C3orf62: variants seen among roughly 807,000 people sequenced by gnomAD.
C3orf62 encodes the protein uncharacterized protein C3orf62.
Under a neutral mutation model 21.7 loss-of-function variants are expected in C3orf62, and 16 were observed. That is an observed-to-expected ratio of 0.74 (90% CI 0.50 to 1.12). C3orf62 has a LOEUF of 1.12. Ranked by LOEUF, C3orf62 falls within the 50% of genes most tolerant of loss-of-function variation. The pLI is 0.00. For missense variants in C3orf62, 310 were observed against 318.8 expected (o/e 0.97, Z 0.21); for synonymous variants, 114 against 117.0 (o/e 0.97, Z 0.17).
chr3:49,269,388 T>TAG lies in C3orf62; in HGVS notation c.*1790_*1791dup, dbSNP rs1474091415. 6.6e-6 allele frequency: 1 copy of TAG among 152,192 alleles called. No individual in the cohort carries two copies. The highest frequency in any genetic ancestry group is 1.5e-5 in the Non-Finnish European group (1 of 68,020). The allele number at this position is 152,192 out of a possible 1,614,324, so 9.4% of individuals were successfully genotyped here. On this transcript the variant is annotated 3_prime_UTR_variant, in exon 3 of 3. Transcript: ENST00000343010. Reference sequence around the variant, plus strand: ...CAGGAATTAAGCTCCACCTCGTCTATAGAAGAGTGTCCACATCCACATGTA... The same window carrying TAG: ...CAGGAATTAAGCTCCACCTCGTCTATAGAGAAGAGTGTCCACATCCACATGTA...
At position 49,276,503 on chromosome 3, in the gene C3orf62, A is replaced by C. The variant is rs771001807; in HGVS notation, c.370T>G (p.Ser124Ala). The C allele has an allele frequency of 2.5e-6, 4 of 1,614,054 alleles. No individual in the cohort carries two copies. The highest frequency in any genetic ancestry group is 3.4e-6 in the Non-Finnish European group (4 of 1,180,048). ...TCTCTTTCAGGTGCCAAAATGGAGG[A>C]ATGCATCAATACATTTTCCTTGCTG... ...LTSKENVLMH[S>A]SILAPERESW... Residue 124 changes from serine to alanine, a missense_variant, in exon 1 of 3, where the codon TCC (serine) becomes GCC (alanine). Physicochemically the swap from Ser to Ala is moderately conservative, Grantham distance 99. Transcript: ENST00000343010.
chr3:49,276,231 T>G (rs546840478), intron 1 of C3orf62, among the ~76,000 whole-genome samples, 196 bp downstream of exon 1: 1 of 152,182 alleles, frequency 6.6e-6, no homozygotes, highest in South Asian at 2.1e-4. Flanking sequence ...GCCCCTCAAC[T>G]GGAACATATA....
At chr3:49,272,610 T>C (rs1184391597) in intron 2 of C3orf62, among the ~76,000 whole-genome samples, 1 of 134,438 alleles carries the variant, frequency 7.4e-6, no homozygotes, top group Non-Finnish European at 1.5e-5. Flanking sequence ...AGTGGTGCGA[T>C]CTCGGCTCAC....
chr3:49,271,910 C>CAAAAAAAA (rs10706165), intron 2 of C3orf62, among the ~76,000 whole-genome samples: 11 of 106,920 alleles, frequency 1.0e-4, no homozygotes, highest in South Asian at 3.1e-4. Flanking sequence ...GGCCCTGTCT[C>CAAAAAAAA]AAAAAAAAAA....
At chr3:49,271,910 C>CAATAAAA in intron 2 of C3orf62, among the ~76,000 whole-genome samples, 1 of 106,944 alleles carries the variant, frequency 9.4e-6, no homozygotes, top group Non-Finnish European at 1.9e-5. Context: ...GGCCCTGTCT[C>CAATAAAA]AAAAAAAAAA....
At position 49,271,019 on chromosome 3, in the gene C3orf62, A is replaced by T; in HGVS notation, c.*161T>A. On this transcript the variant is annotated 3_prime_UTR_variant, in exon 3 of 3. Transcript: ENST00000343010. ...CAATGGAATTCAAAAAACTGGTCTC[A>T]CAGCTTAAAAAGGGACACAACTGGG... is the stretch of plus-strand genomic sequence containing the variant. 1.4e-6 allele frequency: 1 copy of T among 698,064 alleles called. No homozygotes were observed. The highest frequency in any genetic ancestry group is 2.4e-6 in the Non-Finnish European group (1 of 418,606). The allele number at this position is 698,064 out of a possible 1,614,324, so 43.2% of individuals were successfully genotyped here. A position where few individuals can be genotyped will look rare whatever the true frequency, so the allele number is the denominator to read the frequency against.
At chr3:49,274,395 A>G (rs1219508716) in intron 1 of C3orf62, 1 of 394,992 alleles carries the variant, frequency 2.5e-6, no homozygotes, top group Non-Finnish European at 4.7e-6. Flanking sequence ...GGGTTTAGCC[A>G]TGTTGCCCAG....
intron 2 of C3orf62, among the ~76,000 whole-genome samples, chr3:49,272,101 C>G (rs34343820): frequency 0.093 from 14,219 of 152,102 alleles, 737 homozygotes; most frequent in Middle Eastern, 0.11. Context: ...CCTACCCTCA[C>G]CAGGCCTCCC....
At position 49,273,353 on chromosome 3, in the gene C3orf62, G is replaced by A. The variant is rs540722337; in HGVS notation, c.538+696C>T. 2.9e-3 allele frequency among the ~76,000 whole-genome samples: 444 copies of A among 152,280 alleles called. 7 individuals are homozygous for A. In the Middle Eastern group the frequency reaches 0.037, roughly 13 times the overall value. ...TGGGAGGATCACCTGAGCCCAGGGA[G>A]GTTGAGGCTGCAGTGAACTGTGATC... On this transcript the variant is annotated intron_variant, in intron 2 of 2. Transcript: ENST00000343010.
chr3:49,274,401 C>T, intron 1 of C3orf62: 5 of 369,910 alleles, frequency 1.4e-5, no homozygotes, highest in Non-Finnish European at 2.5e-5. Context: ...AGCCATGTTG[C>T]CCAGGCTGGT....
Position 49,269,908 on chromosome 3 carries a change from A to G in C3orf62, c.*1272T>C, listed in dbSNP as rs149007013. On this transcript the variant is annotated 3_prime_UTR_variant, in exon 3 of 3. Coordinates refer to ENST00000343010, the MANE Select transcript of C3orf62 (RefSeq NM_198562.3). ...TGTTGCTGGCTATGCAGCCTGCCCT[A>G]TGCCAGAGTCACTGGCCTAAAAGAC... The G allele has an allele frequency of 6.6e-6, 1 of 152,386 alleles. No homozygotes were observed. Among genetic ancestry groups the G allele is most frequent in the African/African-American group, 2.4e-5 (1 of 41,594 alleles). The allele number at this position is 152,386 out of a possible 1,614,324, so 9.4% of individuals were successfully genotyped here. A position where few individuals can be genotyped will look rare whatever the true frequency, so the allele number is the denominator to read the frequency against.
intron 2 of C3orf62, among the ~76,000 whole-genome samples, chr3:49,273,038 A>C (rs2046925040): frequency 1.3e-5 from 2 of 152,184 alleles, no homozygotes; most frequent in South Asian, 4.1e-4. Flanking sequence ...ACCTCACAAG[A>C]TAATCAGTTG....
rs989980347 is a variant in C3orf62 at position 49,269,379 on chromosome 3, C to T, written c.*1801G>A. ...GGGTAAGGACAGGAATTAAGCTCCACCTCGTCTATAGAAGAGTGTCCACAT... is the reference window on the plus strand; with the variant it reads ...GGGTAAGGACAGGAATTAAGCTCCATCTCGTCTATAGAAGAGTGTCCACAT... On this transcript the variant is annotated 3_prime_UTR_variant, in exon 3 of 3. Transcript: ENST00000343010. 2.6e-5 allele frequency: 4 copies of T among 152,192 alleles called. No homozygotes were observed. Among genetic ancestry groups the T allele is most frequent in the Admixed American group, 6.6e-5 (1 of 15,266 alleles). The allele number at this position is 152,192 out of a possible 1,614,324, so 9.4% of individuals were successfully genotyped here.
In C3orf62 at chr3:49,277,079, T is replaced by C. The variant is rs1575596687; in HGVS notation, c.-207A>G. The stretch of plus-strand genomic sequence containing the variant: ...GACGCCCCGCCCCACTTCCCACAGC[T>C]TCCTGGCCCGCCCCGCCGCTGCCTC... On this transcript the variant is annotated 5_prime_UTR_variant, in exon 1 of 3. Coordinates refer to ENST00000343010, the MANE Select transcript of C3orf62 (RefSeq NM_198562.3). 1 of 1,487,968 alleles carries C rather than the reference T, an allele frequency of 6.7e-7. No homozygotes were observed. Among genetic ancestry groups the C allele is most frequent in the South Asian group, 1.2e-5 (1 of 80,698 alleles). The allele number at this position is 1,487,968 out of a possible 1,614,324, so 92.2% of individuals were successfully genotyped here. A position where few individuals can be genotyped will look rare whatever the true frequency, so the allele number is the denominator to read the frequency against.
chr3:49,276,218 C>T (rs1440257172), intron 1 of C3orf62, among the ~76,000 whole-genome samples: 2 of 152,146 alleles, frequency 1.3e-5, no homozygotes, highest in African/African-American at 4.8e-5. Context: ...CGATTGACAA[C>T]TAGCCCCTCA....
At position 49,271,168 on chromosome 3, in the gene C3orf62, A is replaced by C. The variant is rs552018660; in HGVS notation, c.*12T>G. The C allele has an allele frequency of 1.9e-6, 3 of 1,606,128 alleles. No individual in the cohort carries two copies. The Admixed American group carries it at 5.0e-5, about 27-fold the overall frequency. On this transcript the variant is annotated 3_prime_UTR_variant, in exon 3 of 3. Coordinates refer to ENST00000343010, the MANE Select transcript of C3orf62 (RefSeq NM_198562.3). ...CTCCTGCTGTAAGGAATCAAAGCTTAGATAACTGTCCTTACTCAATTTGGT... is the reference window on the plus strand; with the variant it reads ...CTCCTGCTGTAAGGAATCAAAGCTTCGATAACTGTCCTTACTCAATTTGGT...
At position 49,271,108 on chromosome 3, in the gene C3orf62, C is replaced by A; in HGVS notation, c.*72G>T. On this transcript the variant is annotated 3_prime_UTR_variant, in exon 3 of 3. Transcript: ENST00000343010. ...TTTGAGAAATGTGGCCCCTGACGGC[C>A]ATTGTAGCTGCTTCTGCTCAGGCTC... is the stretch of plus-strand genomic sequence containing the variant. 6.8e-7 allele frequency: 1 copy of A among 1,472,522 alleles called. No individual in the cohort carries two copies. Among genetic ancestry groups the A allele is most frequent in the Non-Finnish European group, 9.2e-7 (1 of 1,086,346 alleles). The allele number at this position is 1,472,522 out of a possible 1,614,324, so 91.2% of individuals were successfully genotyped here. A position where few individuals can be genotyped will look rare whatever the true frequency, so the allele number is the denominator to read the frequency against.
At chr3:49,275,532 T>G (rs976349695) in intron 1 of C3orf62, among the ~76,000 whole-genome samples, 3 of 119,134 alleles carry the variant, frequency 2.5e-5, no homozygotes, top group South Asian at 3.2e-4. Flanking sequence ...TTTTTTTTTT[T>G]TTTTTTTTTT....
chr3:49,274,959 A>G (rs2046941081), intron 1 of C3orf62, among the ~76,000 whole-genome samples: 1 of 151,116 alleles, frequency 6.6e-6, no homozygotes, highest in African/African-American at 2.4e-5. Flanking sequence ...AGCTGGGATT[A>G]CAGGCGGCCG....
Sources: allele counts gnomAD v4.1 joint callset (sites outside exome capture counted in the v4.1 genomes callset), GRCh38; gene constraint gnomAD v4.1.1; transcripts MANE v1.5; gene names NCBI Gene and HGNC (gene_info 2026-07-23, HGNC 2026-07-21).